MTHFD1L: variants seen among roughly 807,000 people sequenced by gnomAD.
MTHFD1L encodes monofunctional C1-tetrahydrofolate synthase, mitochondrial.
In MTHFD1L, 81 loss-of-function variants were observed where a neutral mutation model predicts 119.5. That is an observed-to-expected ratio of 0.68 (90% confidence interval 0.57 to 0.82). MTHFD1L has a LOEUF of 0.82. Among genes scored for constraint, MTHFD1L ranks in the 40% least tolerant of loss-of-function variants. The probability of loss-of-function intolerance (pLI) is 0.00; values close to 1 mark genes in which losing one functional copy is unlikely to be tolerated. For synonymous variants in MTHFD1L, 430 were observed against 475.2 expected (o/e 0.90, Z 1.24); for missense variants, 1,125 against 1,253.4 (o/e 0.90, Z 1.55).
At chr6:151,007,109 C>T (rs911806183) in intron 20 of MTHFD1L, among the ~76,000 whole-genome samples, 1 of 151,946 alleles carries the variant, frequency 6.6e-6, no homozygotes, top group African/African-American at 2.4e-5. Context: ...TGAATCTCTT[C>T]TTTCCTCCCT....
chr6:151,062,906 G>C (rs910253360), intron 26 of MTHFD1L, among the ~76,000 whole-genome samples: 1 of 151,876 alleles, frequency 6.6e-6, no homozygotes, highest in Non-Finnish European at 1.5e-5. Flanking sequence ...AGGGGGGAGG[G>C]ATAGCATTAG....
chr6:150,949,755 A>G (rs1047291032), intron 16 of MTHFD1L, among the ~76,000 whole-genome samples: 12 of 152,038 alleles, frequency 7.9e-5, no homozygotes, highest in African/African-American at 2.4e-4. Flanking sequence ...ATCGCTCACT[A>G]TGGGATGAGA....
At chr6:150,923,640 A>G (rs1299278114) in intron 10 of MTHFD1L, among the ~76,000 whole-genome samples, 1 of 140,286 alleles carries the variant, frequency 7.1e-6, no homozygotes, top group Non-Finnish European at 1.5e-5. Flanking sequence ...AAGTGCTGGG[A>G]TTACAAGCAT....
At chr6:151,005,153 CCT>C (rs1442009732) in intron 20 of MTHFD1L, among the ~76,000 whole-genome samples, 1 of 152,084 alleles carries the variant, frequency 6.6e-6, no homozygotes, top group African/African-American at 2.4e-5. Context: ...CCAAGAAGTA[CCT>C]AGGAAATGGA....
chr6:151,039,928 ACATACATACATACATACATG>A lies in MTHFD1L; in HGVS notation c.2847+2819_2847+2838del, dbSNP rs1409259229. Among the ~76,000 whole-genome samples, 2 of 122,594 alleles carry A rather than the reference ACATACATACATACATACATG, an allele frequency of 1.6e-5. No individual in the cohort carries two copies. Among genetic ancestry groups the A allele is most frequent in the South Asian group, 4.9e-4 (2 of 4,060 alleles). The allele number at this position is 122,594 out of a possible 152,430, so 80.4% of individuals were successfully genotyped here. Reference sequence around the variant, plus strand: ...AGACTTCATCTCTAAATACATACATACATACATACATACATACATGCATACATGCATACATGCATACATAG... The same window carrying A: ...AGACTTCATCTCTAAATACATACATACATACATGCATACATGCATACATAG... On this transcript the variant is annotated intron_variant, in intron 26 of 27. Coordinates refer to ENST00000367321, the MANE Select transcript of MTHFD1L (RefSeq NM_015440.5). The surrounding 1 kb of genome is among the most constrained non-coding windows in gnomAD (Gnocchi z 4.4).
chr6:150,903,035 T>C (rs1336525193), intron 7 of MTHFD1L, among the ~76,000 whole-genome samples: 3 of 152,118 alleles, frequency 2.0e-5, no homozygotes, highest in African/African-American at 7.2e-5. Context: ...CAGTACTATA[T>C]ATAAATGAAG....
intron 7 of MTHFD1L, among the ~76,000 whole-genome samples, chr6:150,905,107 C>T (rs1270114456): frequency 7.4e-6 from 1 of 134,340 alleles, no homozygotes; most frequent in Non-Finnish European, 1.6e-5. Flanking sequence ...GATCTCGGCT[C>T]ACTGCAACCT....
intron 26 of MTHFD1L, among the ~76,000 whole-genome samples, chr6:151,091,144 G>A (rs1031228175): frequency 2.0e-5 from 3 of 147,258 alleles, no homozygotes; most frequent in South Asian, 2.2e-4. Context: ...GTGCAGCATC[G>A]CCCCATGTGA....
intron 24 of MTHFD1L, among the ~76,000 whole-genome samples, chr6:151,028,045 G>C (rs1321738731): frequency 6.6e-6 from 1 of 152,178 alleles, no homozygotes. Context: ...AGTGCTGAGT[G>C]CTGGGAAACT....
chr6:151,000,712 T>C (rs1339448303), intron 20 of MTHFD1L, among the ~76,000 whole-genome samples: 1 of 152,258 alleles, frequency 6.6e-6, no homozygotes, highest in Non-Finnish European at 1.5e-5. Flanking sequence ...TTAATTCAAG[T>C]TCAGAATTCA....
intron 26 of MTHFD1L, among the ~76,000 whole-genome samples, chr6:151,063,638 G>A (rs1790891816): frequency 6.6e-6 from 1 of 152,166 alleles, no homozygotes; most frequent in African/African-American, 2.4e-5. Flanking sequence ...AGCATAGCAT[G>A]TTTCTTTTCC....
chr6:150,958,678 A>G (rs984903607), intron 17 of MTHFD1L, among the ~76,000 whole-genome samples: 1 of 152,250 alleles, frequency 6.6e-6, no homozygotes, highest in Admixed American at 6.5e-5. Flanking sequence ...ACCTAAAAAA[A>G]TGAAAAGGTA....
intron 19 of MTHFD1L, among the ~76,000 whole-genome samples, chr6:150,966,382 A>T (rs1168226368): frequency 1.1e-4 from 17 of 152,174 alleles, no homozygotes; most frequent in Non-Finnish European, 1.5e-5. Context: ...GGACTCACTC[A>T]CAATCATGAG....
At chr6:151,027,408 C>T (rs1248652491) in intron 24 of MTHFD1L, among the ~76,000 whole-genome samples, 3 of 152,160 alleles carry the variant, frequency 2.0e-5, no homozygotes, top group African/African-American at 7.2e-5. Context: ...GATCACTTAG[C>T]AGATGCCTTT....
intron 16 of MTHFD1L, among the ~76,000 whole-genome samples, chr6:150,955,659 C>G (rs1795532832): frequency 1.3e-5 from 2 of 152,022 alleles, no homozygotes; most frequent in South Asian, 4.1e-4. Flanking sequence ...ACAACCATGC[C>G]TGGCAAATTT....
In MTHFD1L at chr6:150,994,080, A is replaced by G. The variant is rs1350381087; in HGVS notation, c.2126-15739A>G. On this transcript the variant is annotated intron_variant, in intron 20 of 27. Coordinates refer to ENST00000367321, the MANE Select transcript of MTHFD1L (RefSeq NM_015440.5). ...CAACAACAGTAAAAAAAAAAAAAAA[A>G]GAAAGAAAGAAAGAAAGTGACCCAG... Among the ~76,000 whole-genome samples, 696 of 132,258 alleles carry G rather than the reference A, an allele frequency of 5.3e-3. 21 individuals carry two copies. Among genetic ancestry groups the G allele is most frequent in the African/African-American group, 0.022 (671 of 29,878 alleles). 86.8% of individuals were successfully genotyped at this position (132,258 alleles called of 152,430 possible). A position where few individuals can be genotyped will look rare whatever the true frequency, so the allele number is the denominator to read the frequency against.
chr6:150,993,781 T>A (rs981237279), intron 20 of MTHFD1L, among the ~76,000 whole-genome samples: 2 of 151,952 alleles, frequency 1.3e-5, no homozygotes, highest in Non-Finnish European at 2.9e-5. Context: ...TGGCGTAGCT[T>A]GGGGGTGTCA....
intron 1 of MTHFD1L, among the ~76,000 whole-genome samples, chr6:150,870,505 A>T (rs1779214040): frequency 1.3e-5 from 2 of 152,184 alleles, no homozygotes; most frequent in Non-Finnish European, 2.9e-5. Context: ...AATAAGGGGA[A>T]TATCGCAGTA....
chr6:150,972,330 A>G (rs182999436), intron 20 of MTHFD1L, among the ~76,000 whole-genome samples: 52 of 152,336 alleles, frequency 3.4e-4, no homozygotes, highest in South Asian at 2.3e-3. Flanking sequence ...ACACATTTTA[A>G]TTACTACTGA....
Sources: allele counts gnomAD v4.1 joint callset (sites outside exome capture counted in the v4.1 genomes callset), GRCh38; gene constraint gnomAD v4.1.1; non-coding constraint Gnocchi (gnomAD v3.1); transcripts MANE v1.5; gene names NCBI Gene and HGNC (gene_info 2026-07-23, HGNC 2026-07-21).